TBXAS1: variants seen among roughly 807,000 people sequenced by gnomAD.
TBXAS1 encodes the protein thromboxane-A synthase.
A neutral mutation model predicts 60.7 loss-of-function variants in TBXAS1; 48 were observed. That is an observed-to-expected ratio of 0.79 (90% CI 0.63 to 1.01). TBXAS1 has a LOEUF of 1.01. TBXAS1 is among the 50% of genes least tolerant of loss of function. The pLI, the probability that TBXAS1 is intolerant of heterozygous loss-of-function variation, is 0.00. For synonymous variants in TBXAS1, 287 were observed against 269.7 expected (o/e 1.06, Z -0.63); for missense variants, 685 against 686.3 (o/e 1.00, Z 0.02).
chr7:139,951,891 G>A (rs1809346954), intron 5 of TBXAS1, among the ~76,000 whole-genome samples: 1 of 29,882 alleles, frequency 3.3e-5, no homozygotes, highest in African/African-American at 1.6e-4. Flanking sequence ...AAGAAGGAAG[G>A]AAGGAAGGAA....
intron 9 of TBXAS1, among the ~76,000 whole-genome samples, chr7:139,968,278 T>G (rs1205784503): frequency 2.0e-5 from 3 of 152,146 alleles, no homozygotes; most frequent in Admixed American, 6.6e-5. Context: ...CAATCCACTT[T>G]TTTGTTTGTT....
At chr7:139,806,345 C>T (rs1212717499) in intron 4 of TBXAS1, among the ~76,000 whole-genome samples, 1 of 151,798 alleles carries the variant, frequency 6.6e-6, no homozygotes, top group African/African-American at 2.4e-5. Context: ...TCACTGCAAT[C>T]TCCACTTCCT....
intron 4 of TBXAS1, among the ~76,000 whole-genome samples, chr7:139,801,434 C>T (rs1797720879): frequency 6.6e-6 from 1 of 151,878 alleles, no homozygotes; most frequent in Non-Finnish European, 1.5e-5. Flanking sequence ...CTTTCTATGT[C>T]TAGACCTTGT....
intron 3 of TBXAS1, among the ~76,000 whole-genome samples, chr7:139,876,202 A>T (rs1417202648): frequency 6.6e-6 from 1 of 152,164 alleles, no homozygotes; most frequent in African/African-American, 2.4e-5. Flanking sequence ...GCTGGGGCAT[A>T]TGGTCACCCT....
At chr7:139,863,431 A>T (rs867258472) in intron 1 of TBXAS1, among the ~76,000 whole-genome samples, 17 of 152,192 alleles carry the variant, frequency 1.1e-4, no homozygotes, top group Non-Finnish European at 1.3e-4. Flanking sequence ...AATGGCTGTC[A>T]TTCACTAAAT....
intron 9 of TBXAS1, among the ~76,000 whole-genome samples, chr7:139,968,422 G>C (rs964471841): frequency 2.0e-5 from 3 of 152,048 alleles, no homozygotes; most frequent in African/African-American, 7.2e-5. Flanking sequence ...AGCCTCCCAA[G>C]TAGCTGGAAT....
At chr7:140,016,876 G>T (rs1815119417) in intron 11 of TBXAS1, 1 of 152,500 alleles carries the variant, frequency 6.6e-6, no homozygotes, top group Non-Finnish European at 1.5e-5. Flanking sequence ...TGAGCAATGG[G>T]ATCTACACAA....
chr7:139,816,981 G>A (rs896077676), intron 4 of TBXAS1, among the ~76,000 whole-genome samples: 1 of 152,144 alleles, frequency 6.6e-6, no homozygotes, highest in South Asian at 2.1e-4. Flanking sequence ...TCCTGGGGAA[G>A]GTCTGATTTG....
rs780770789 is a variant in TBXAS1, at chr7:139,896,815, G to A, written c.237-14410G>A. 6.6e-6 allele frequency among the ~76,000 whole-genome samples: 1 copy of A among 152,180 alleles called. No individual in the cohort carries two copies. Among genetic ancestry groups the A allele is most frequent in the Non-Finnish European group, 1.5e-5 (1 of 68,040 alleles). On this transcript the variant is annotated intron_variant, in intron 3 of 12. Coordinates refer to ENST00000448866, the MANE Select transcript of TBXAS1 (RefSeq NM_001061.7). The surrounding 1 kb of genome is among the most constrained non-coding windows in gnomAD (Gnocchi z 4.0). ...GTGAGGAGAGAAGTCAGGAGCTCCT[G>A]AAGGGCCCCTGCTTGGTTACAAGTG...
chr7:139,898,413 C>CTT (rs71170921), intron 3 of TBXAS1, among the ~76,000 whole-genome samples: 846 of 82,238 alleles, frequency 0.01, 75 homozygotes, highest in East Asian at 0.02. Flanking sequence ...ACGTGCATGG[C>CTT]TTTTTTTTTT....
At chr7:139,892,192 C>G (rs1156749280) in intron 3 of TBXAS1, among the ~76,000 whole-genome samples, 1 of 152,116 alleles carries the variant, frequency 6.6e-6, no homozygotes, top group East Asian at 1.9e-4. Flanking sequence ...CTGGCCGTAC[C>G]AGAAAGAGCA....
intron 1 of TBXAS1, among the ~76,000 whole-genome samples, chr7:139,862,600 G>T (rs1396348672): frequency 6.6e-6 from 1 of 152,134 alleles, no homozygotes; most frequent in African/African-American, 2.4e-5. Flanking sequence ...CCAAATCCAA[G>T]GAGTTTGCCT....
chr7:139,887,328 G>C (rs1803190157), intron 3 of TBXAS1, among the ~76,000 whole-genome samples: 1 of 152,148 alleles, frequency 6.6e-6, no homozygotes, highest in Non-Finnish European at 1.5e-5. Context: ...GTTGCATTAA[G>C]TACCTTCACA....
intron 5 of TBXAS1, among the ~76,000 whole-genome samples, chr7:139,943,684 C>T (rs181355243): frequency 6.6e-6 from 1 of 152,282 alleles, no homozygotes; most frequent in East Asian, 1.9e-4. Context: ...GATTATTCAC[C>T]TAGATGGCTA....
rs1554503287 is a variant in TBXAS1, at chr7:139,984,636, G to GGGAGAAAGAAAGAA, written c.1134+22403_1134+22404insGGAGAAAGAAAGAA. ...AGAAAGAGAGAGAGAGAGAGAGAGA[G>GGGAGAAAGAAAGAA]AGAGAGAAAGAAAGAAAGGGAAGGG... On this transcript the variant is annotated intron_variant, in intron 9 of 12. Transcript: ENST00000448866. Among the ~76,000 whole-genome samples, 56 of 70,972 alleles carry GGGAGAAAGAAAGAA rather than the reference G, an allele frequency of 7.9e-4. 5 individuals carry two copies. The Middle Eastern group carries it at 0.031, about 40-fold the overall frequency. The allele number at this position is 70,972 out of a possible 152,430, so 46.6% of individuals were successfully genotyped here.
intron 2 of TBXAS1, among the ~76,000 whole-genome samples, chr7:139,781,497 T>G (rs572409681): frequency 6.6e-6 from 1 of 152,084 alleles, no homozygotes; most frequent in African/African-American, 2.4e-5. Context: ...CCCAGCAAGG[T>G]CAACAGTGCT....
intron 9 of TBXAS1, among the ~76,000 whole-genome samples, chr7:139,988,433 C>T (rs1812658745): frequency 6.6e-6 from 1 of 152,234 alleles, no homozygotes; most frequent in South Asian, 2.1e-4. Context: ...TTTGGGTTTG[C>T]ATCATCATCT....
intron 3 of TBXAS1, among the ~76,000 whole-genome samples, chr7:139,887,787 G>A (rs1191485836): frequency 1.3e-5 from 2 of 152,212 alleles, no homozygotes; most frequent in Admixed American, 6.5e-5. Context: ...GGGTATATAT[G>A]CAGAGGTGGA....
At position 139,911,274 on chromosome 7, in the gene TBXAS1, A is replaced by G; in HGVS notation, c.286A>G (p.Ile96Val). Reference protein sequence around the residue: ...MFIVISEPDMIKQVLVENFSN... With the variant: ...MFIVISEPDMVKQVLVENFSN... ...TATTGTTATTTCTGAGCCAGACATG[A>G]TCAAGCAGGTGTTGGTTGAGAACTT... Residue 96 changes from isoleucine (I) to valine (V), a missense_variant, in exon 4 of 13, where the codon ATC (isoleucine) becomes GTC (valine). Coordinates refer to ENST00000448866, the MANE Select transcript of TBXAS1 (RefSeq NM_001061.7). The G allele has an allele frequency of 6.2e-7, 1 of 1,614,170 alleles. No individual in the cohort carries two copies. Among genetic ancestry groups the G allele is most frequent in the East Asian group, 2.2e-5 (1 of 44,876 alleles).
Sources: gnomAD v4.1 joint callset for allele counts (sites outside exome capture counted in the v4.1 genomes callset) on GRCh38, gnomAD v4.1.1 for gene constraint, Gnocchi (gnomAD v3.1) non-coding constraint, MANE v1.5 for transcripts, NCBI Gene and HGNC (gene_info 2026-07-23, HGNC 2026-07-21) for gene names.